CRB1: variants seen among roughly 807,000 people sequenced by gnomAD.
CRB1 encodes the protein protein crumbs homolog 1.
A neutral mutation model predicts 120.0 loss-of-function variants in CRB1; 83 were observed. The ratio of observed to expected loss-of-function variants is 0.69; its 90% confidence interval spans 0.58 to 0.83. The LOEUF (loss-of-function observed/expected upper bound fraction) is 0.83, where lower values mean the gene tolerates loss of function less well. Among genes scored for constraint, CRB1 ranks in the 40% least tolerant of loss-of-function variants. The probability of loss-of-function intolerance (pLI) is 0.00; values close to 1 mark genes in which losing one functional copy is unlikely to be tolerated. For missense variants in CRB1, 1,699 were observed against 1,687.6 expected (o/e 1.01, Z -0.12); for synonymous variants, 625 against 612.5 (o/e 1.02, Z -0.30).
Position 197,477,959 on chromosome 1 carries a change from A to T in CRB1, c.*80A>T. ...ACTTCAGGTATCTCTGACATACCTGACAATGTTAATCTGCAACTGGGATTA... is the reference window on the plus strand; with the variant it reads ...ACTTCAGGTATCTCTGACATACCTGTCAATGTTAATCTGCAACTGGGATTA... On this transcript the variant is annotated 3_prime_UTR_variant, in exon 12 of 12. Coordinates refer to ENST00000367400, the MANE Select transcript of CRB1 (RefSeq NM_201253.3). 4 of 1,380,356 alleles carry T rather than the reference A, an allele frequency of 2.9e-6. No homozygotes were observed. Among genetic ancestry groups the T allele is most frequent in the Non-Finnish European group, 4.1e-6 (4 of 968,802 alleles). The allele number at this position is 1,380,356 out of a possible 1,614,324, so 85.5% of individuals were successfully genotyped here. A position where few individuals can be genotyped will look rare whatever the true frequency, so the allele number is the denominator to read the frequency against.
chr1:197,328,890 G>A lies in CRB1; in HGVS notation c.539G>A (p.Gly180Asp). 1 of 1,614,210 alleles carries A rather than the reference G, an allele frequency of 6.2e-7. No individual in the cohort carries two copies. The highest frequency in any genetic ancestry group is 8.5e-7 in the Non-Finnish European group (1 of 1,180,040). The part of the protein sequence containing the change: ...YSCFCVPGYQ[G>D]RHCDLEVDEC... ...TGCTTCTGTGTCCCAGGATATCAAG[G>A]CAGACACTGCGACTTGGAAGTGGAT... The change falls in exon 2 of 12, where the codon GGC (glycine) becomes GAC (aspartate). Residue 180 changes from glycine (G) to aspartate (D), a missense_variant. Physicochemically the swap from Gly to Asp is moderately conservative, Grantham distance 94. Transcript: ENST00000367400.
At chr1:197,380,963 G>A (rs939146574) in intron 5 of CRB1, among the ~76,000 whole-genome samples, 6 of 152,168 alleles carry the variant, frequency 3.9e-5, no homozygotes, top group Admixed American at 1.3e-4. Flanking sequence ...TGTGTCCTTA[G>A]AAGCAGTAGG....
intron 1 of CRB1, among the ~76,000 whole-genome samples, chr1:197,274,961 T>C (rs986963610): frequency 1.3e-5 from 2 of 151,992 alleles, no homozygotes; most frequent in African/African-American, 4.8e-5. Flanking sequence ...AGGCTAGAAG[T>C]CTGAAATCAA....
chr1:197,290,756 G>A (rs1656127773), intron 1 of CRB1, among the ~76,000 whole-genome samples: 1 of 151,708 alleles, frequency 6.6e-6, no homozygotes, highest in Non-Finnish European at 1.5e-5. Context: ...TTAAGTTTAT[G>A]TACATTTGCC....
At chr1:197,252,570 A>G in the CRB1 span, among the ~76,000 whole-genome samples, 115 of 48,618 alleles carry the variant, frequency 2.4e-3, no homozygotes, top group African/African-American at 5.7e-3. Context: ...ATATATATAT[A>G]TATATATATA....
intron 5 of CRB1, among the ~76,000 whole-genome samples, chr1:197,380,291 T>C (rs1661883852): frequency 6.6e-6 from 1 of 152,190 alleles, no homozygotes; most frequent in African/African-American, 2.4e-5. Flanking sequence ...AGTTTTAGCA[T>C]CATTGACCTG....
At chr1:197,457,459 A>G (rs974595471) in intron 11 of CRB1, among the ~76,000 whole-genome samples, 8 of 152,082 alleles carry the variant, frequency 5.3e-5, no homozygotes, top group Non-Finnish European at 1.2e-4. Flanking sequence ...TGCATCTATT[A>G]CCAATTAGCT....
At chr1:197,369,818 C>A (rs921529608) in intron 5 of CRB1, among the ~76,000 whole-genome samples, 1 of 152,148 alleles carries the variant, frequency 6.6e-6, no homozygotes, top group Non-Finnish European at 1.5e-5. Context: ...CCAATATCCT[C>A]AACTTTTTTT....
At chr1:197,422,115 A>G (rs1664367639) in intron 6 of CRB1, 159 bp downstream of exon 6, 1 of 181,934 alleles carries the variant, frequency 5.5e-6, no homozygotes, top group Admixed American at 6.5e-5. Context: ...AGAAGAGGGC[A>G]GTGATGTGCG....
the CRB1 span, among the ~76,000 whole-genome samples, chr1:197,242,472 A>G: frequency 6.6e-6 from 1 of 152,104 alleles, no homozygotes; most frequent in Non-Finnish European, 1.5e-5. Context: ...TATGTGATGG[A>G]TTACGTTTAT....
At chr1:197,380,632 A>G (rs1661904245) in intron 5 of CRB1, among the ~76,000 whole-genome samples, 1 of 152,204 alleles carries the variant, frequency 6.6e-6, no homozygotes, top group African/African-American at 2.4e-5. Context: ...AATGAGAGAC[A>G]CAAGCACCAA....
chr1:197,275,555 T>G (rs1353125317), intron 1 of CRB1, among the ~76,000 whole-genome samples: 1 of 152,068 alleles, frequency 6.6e-6, no homozygotes, highest in Non-Finnish European at 1.5e-5. Context: ...CTTTACACTG[T>G]CCCTACCTTT....
intron 9 of CRB1, among the ~76,000 whole-genome samples, chr1:197,437,381 A>C (rs1198421798): frequency 1.3e-5 from 2 of 152,174 alleles, no homozygotes; most frequent in Non-Finnish European, 2.9e-5. Context: ...AGAAGAATTC[A>C]GGATCAAATT....
chr1:197,315,032 T>C lies in CRB1; in HGVS notation c.71-13390T>C, dbSNP rs149559363. The stretch of plus-strand genomic sequence containing the variant: ...CAGCTCAGAAACATTGCTGCTCATC[T>C]CATTGTATTCCTTCTGTCTGCCCAC... On this transcript the variant is annotated intron_variant, in intron 1 of 11. Transcript: ENST00000367400. Among the ~76,000 whole-genome samples, 865 of 152,304 alleles carry C rather than the reference T, an allele frequency of 5.7e-3. 8 individuals are homozygous for C. The highest frequency in any genetic ancestry group is 0.017 in the African/African-American group (714 of 41,554).
At chr1:197,255,996 T>TATATATATATATATATATATATAC in the CRB1 span, among the ~76,000 whole-genome samples, 74 of 116,652 alleles carry the variant, frequency 6.3e-4, no homozygotes, top group Non-Finnish European at 1.0e-3. Flanking sequence ...TATATATATA[T>TATATATATATATATATATATATAC]ACACTACAAT....
the CRB1 span, among the ~76,000 whole-genome samples, chr1:197,205,205 G>A: frequency 1.3e-5 from 2 of 152,112 alleles, no homozygotes; most frequent in Non-Finnish European, 2.9e-5. Context: ...TCAGCAAGCA[G>A]CAACAGTTTG....
At chr1:197,466,537 G>C (rs1468358765) in intron 11 of CRB1, among the ~76,000 whole-genome samples, 2 of 152,054 alleles carry the variant, frequency 1.3e-5, no homozygotes, top group East Asian at 3.9e-4. Context: ...TTGGCTTTTT[G>C]ATCATTTTTA....
chr1:197,442,064 G>C (rs1217616966), intron 10 of CRB1, 102 bp from the exon 11 acceptor site: 4 of 1,330,870 alleles, frequency 3.0e-6, no homozygotes, highest in Non-Finnish European at 4.3e-6. Flanking sequence ...GGGTAGATAA[G>C]ACTGTGCTGT....
intron 7 of CRB1, chr1:197,428,911 T>G: frequency 6.7e-7 from 1 of 1,489,464 alleles, no homozygotes; most frequent in Non-Finnish European, 9.0e-7. Context: ...TACTTTCATT[T>G]TGAATACTTT....
Sources: allele counts gnomAD v4.1 joint callset (sites outside exome capture counted in the v4.1 genomes callset), GRCh38; gene constraint gnomAD v4.1.1; transcripts MANE v1.5; gene names NCBI Gene and HGNC (gene_info 2026-07-23, HGNC 2026-07-21).